The following LRMDA variants were observed in gnomAD, a reference collection of about 807,000 sequenced individuals.
LRMDA encodes leucine-rich melanocyte differentiation-associated protein.
In LRMDA, 18 loss-of-function variants were observed where a neutral mutation model predicts 29.8. That is an observed-to-expected ratio of 0.60 (90% confidence interval 0.42 to 0.90). LRMDA has a LOEUF of 0.90. Ranked by LOEUF, LRMDA falls within the 40% of genes least tolerant of loss-of-function variation. LRMDA has a pLI of 0.00. For synonymous variants in LRMDA, 125 were observed against 109.4 expected (o/e 1.14, Z -0.89); for missense variants, 273 against 273.9 (o/e 1.00, Z 0.02).
chr10:75,933,408 G>T (rs1846235940), intron 2 of LRMDA, among the ~76,000 whole-genome samples: 2 of 152,186 alleles, frequency 1.3e-5, no homozygotes, highest in African/African-American at 4.8e-5. Context: ...TCAAGAGTGA[G>T]AATACATTTC....
intron 6 of LRMDA, among the ~76,000 whole-genome samples, chr10:76,456,370 G>C (rs1010714995): frequency 5.3e-5 from 8 of 152,172 alleles, no homozygotes; most frequent in African/African-American, 1.9e-4. Context: ...AAAGGAAATA[G>C]TAGTGGGAGG....
intron 3 of LRMDA, among the ~76,000 whole-genome samples, chr10:76,037,295 A>G (rs191461559): frequency 5.9e-5 from 9 of 152,354 alleles, no homozygotes; most frequent in East Asian, 1.9e-4. Flanking sequence ...AACATTTGAG[A>G]CCTGGAGTAG....
At position 76,056,467 on chromosome 10, in the gene LRMDA, A is replaced by G. The variant is rs549218677; in HGVS notation, c.399-2199A>G. ...GTCTGCCTCCTGCTGCCAGCCATCA[A>G]CCTGCTGTCTATAGTGCCCATGGTG... On this transcript the variant is annotated intron_variant, in intron 4 of 6. Coordinates refer to ENST00000611255, the MANE Select transcript of LRMDA (RefSeq NM_001305581.2). Among the ~76,000 whole-genome samples the G allele has an allele frequency of 2.4e-3, 370 of 152,208 alleles. 2 individuals are homozygous for G. The highest frequency in any genetic ancestry group is 7.4e-3 in the African/African-American group (309 of 41,536).
chr10:76,169,032 T>G (rs1374251904), intron 5 of LRMDA, among the ~76,000 whole-genome samples: 1 of 152,164 alleles, frequency 6.6e-6, no homozygotes, highest in Admixed American at 6.5e-5. Flanking sequence ...AAAGATAATA[T>G]GTATTAAGGA....
intron 2 of LRMDA, among the ~76,000 whole-genome samples, chr10:75,772,878 G>GGA (rs376083224): frequency 2.4e-5 from 3 of 123,874 alleles, no homozygotes; most frequent in Non-Finnish European, 5.0e-5. Context: ...ATGGGGGGGG[G>GGA]CAGATTAATC....
chr10:75,546,103 C>A (rs1401127898), intron 2 of LRMDA, among the ~76,000 whole-genome samples: 1 of 152,120 alleles, frequency 6.6e-6, no homozygotes, highest in Non-Finnish European at 1.5e-5. Context: ...CATGAAGTTT[C>A]TTTAAAGACA....
intron 2 of LRMDA, among the ~76,000 whole-genome samples, chr10:75,968,576 C>T (rs1162406300): frequency 6.6e-6 from 1 of 152,190 alleles, no homozygotes; most frequent in Non-Finnish European, 1.5e-5. Flanking sequence ...TTCTAAAAAA[C>T]AGCATTGCCA....
intron 6 of LRMDA, among the ~76,000 whole-genome samples, chr10:76,398,527 A>G (rs1841814241): frequency 6.6e-6 from 1 of 152,204 alleles, no homozygotes; most frequent in Non-Finnish European, 1.5e-5. Flanking sequence ...TTTTGCTCAT[A>G]CCAAAGTCCT....
In LRMDA at chr10:75,545,938, C is replaced by T. The variant is rs888272457; in HGVS notation, c.131+107444C>T. Among the ~76,000 whole-genome samples the T allele has an allele frequency of 2.6e-5, 4 of 152,116 alleles. 1 individual carries two copies. Among genetic ancestry groups the T allele is most frequent in the African/African-American group, 4.8e-5 (2 of 41,408 alleles). The stretch of plus-strand genomic sequence containing the variant: ...AGTTAAGTAGGATTATAGTTTATAA[C>T]GACCATGAAACTCACAGGAACTCTG... On this transcript the variant is annotated intron_variant, in intron 2 of 6. Coordinates refer to ENST00000611255, the MANE Select transcript of LRMDA (RefSeq NM_001305581.2).
intron 5 of LRMDA, among the ~76,000 whole-genome samples, chr10:76,150,398 C>G (rs1850417357): frequency 6.6e-6 from 1 of 152,202 alleles, no homozygotes; most frequent in Non-Finnish European, 1.5e-5. Context: ...GTGGAATGTG[C>G]TTGGACCTGC....
chr10:75,802,899 G>A lies in LRMDA; in HGVS notation c.132-233109G>A, dbSNP rs116317903. Among the ~76,000 whole-genome samples, 420 of 150,822 alleles carry A rather than the reference G, an allele frequency of 2.8e-3. 1 individual carries two copies. The highest frequency in any genetic ancestry group is 9.9e-3 in the African/African-American group (407 of 41,024). On this transcript the variant is annotated intron_variant, in intron 2 of 6. Transcript: ENST00000611255. ...TTTGTTAATTACTGAGAAGTTATTT[G>A]TGGTCTTGACCTGATGCATGCATTA...
chr10:75,575,136 T>C (rs1011974631), intron 2 of LRMDA, among the ~76,000 whole-genome samples: 9 of 152,158 alleles, frequency 5.9e-5, no homozygotes, highest in Non-Finnish European at 1.3e-4. Context: ...AGGGAGGTGA[T>C]GCTAAACTAT....
chr10:76,013,521 G>T (rs970107428), intron 2 of LRMDA, among the ~76,000 whole-genome samples: 17 of 152,094 alleles, frequency 1.1e-4, no homozygotes, highest in African/African-American at 4.1e-4. Context: ...AAGGGTCTGT[G>T]GGTATACAAA....
intron 6 of LRMDA, among the ~76,000 whole-genome samples, chr10:76,502,475 C>T (rs1165591584): frequency 2.6e-5 from 4 of 151,854 alleles, no homozygotes; most frequent in Non-Finnish European, 5.9e-5. Flanking sequence ...TATATTGCTT[C>T]TTCTAATCCA....
chr10:75,989,158 G>A lies in LRMDA; in HGVS notation c.132-46850G>A, dbSNP rs570983263. Among the ~76,000 whole-genome samples, 7 of 152,288 alleles carry A rather than the reference G, an allele frequency of 4.6e-5. No homozygotes were observed. The East Asian group carries it at 1.4e-3, about 29-fold the overall frequency. ...GGTATCCCTGGCATCTGACACACAG[G>A]GATGCTCAATAAATGTTGGTGAGTA... is the stretch of plus-strand genomic sequence containing the variant. On this transcript the variant is annotated intron_variant, in intron 2 of 6. Transcript: ENST00000611255.
intron 5 of LRMDA, among the ~76,000 whole-genome samples, chr10:76,176,531 C>T (rs528144328): frequency 3.9e-5 from 6 of 152,208 alleles, no homozygotes; most frequent in Non-Finnish European, 7.3e-5. Flanking sequence ...CGGTGGCTCA[C>T]GCCTGCAATC....
At chr10:76,023,903 A>G (rs1848019068) in intron 2 of LRMDA, among the ~76,000 whole-genome samples, 1 of 152,234 alleles carries the variant, frequency 6.6e-6, no homozygotes, top group African/African-American at 2.4e-5. Context: ...CTAAACAACA[A>G]TTGGTCTAGG....
At chr10:75,783,001 G>A in intron 2 of LRMDA, 1 of 1,614,104 alleles carries the variant, frequency 6.2e-7, no homozygotes, top group Non-Finnish European at 8.5e-7. Flanking sequence ...TCACTCAGCG[G>A]CAATCATTCT....
At chr10:75,631,109 T>C (rs1206710201) in intron 2 of LRMDA, among the ~76,000 whole-genome samples, 1 of 152,202 alleles carries the variant, frequency 6.6e-6, no homozygotes, top group African/African-American at 2.4e-5. Flanking sequence ...ACTTTCCTGC[T>C]GACTTCTTCT....
Sources: gnomAD v4.1 joint callset for allele counts (sites outside exome capture counted in the v4.1 genomes callset) on GRCh38, gnomAD v4.1.1 for gene constraint, MANE v1.5 for transcripts, NCBI Gene and HGNC (gene_info 2026-07-23, HGNC 2026-07-21) for gene names.